The following JAG2 variants were observed in gnomAD, a reference collection of about 807,000 sequenced individuals.
The protein encoded by JAG2 is jagged canonical Notch ligand 2, also known as protein jagged-2.
In JAG2, 46 loss-of-function variants were observed where a neutral mutation model predicts 141.7. The ratio of observed to expected loss-of-function variants is 0.32; its 90% CI spans 0.26 to 0.42. JAG2 has a LOEUF of 0.42. JAG2 is among the 10% of genes least tolerant of loss of function. The pLI is 1.00. For missense variants in JAG2, 1,500 were observed against 1,817.5 expected (o/e 0.83, Z 3.18); for synonymous variants, 862 against 763.5 (o/e 1.13, Z -2.13).
intron 22 of JAG2, among the ~76,000 whole-genome samples, 199 bp downstream of exon 22, chr14:105,146,186 G>A (rs1888217549): frequency 6.6e-6 from 1 of 152,182 alleles, no homozygotes; most frequent in African/African-American, 2.4e-5. Flanking sequence ...AGCAAGGCAG[G>A]ACCCAGACCA....
In JAG2 at chr14:105,148,739, A is replaced by T; in HGVS notation, c.2020+6T>A. ...AGGCCGTGTGGGCGGGTGCTGGAAC[A>T]CTCACTGGTGTCGCAGAGCTCGCCC... On this transcript the variant is annotated splice_donor_region_variant and intron_variant, in intron 15 of 25. Coordinates refer to ENST00000331782, the MANE Select transcript of JAG2 (RefSeq NM_002226.5). The T allele has an allele frequency of 6.4e-7, 1 of 1,558,372 alleles. No homozygotes were observed. Among genetic ancestry groups the T allele is most frequent in the East Asian group, 2.4e-5 (1 of 42,190 alleles).
At position 105,164,233 on chromosome 14, in the gene JAG2, G is replaced by A. The variant is rs1384305420; in HGVS notation, c.417+3524C>T. On this transcript the variant is annotated intron_variant, in intron 2 of 25. Coordinates refer to ENST00000331782, the MANE Select transcript of JAG2 (RefSeq NM_002226.5). ...AGGGCAGTCCTCCCTGGCTCCAATG[G>A]TCCCCGTGTTGCCTGGGCACTGAAT... Among the ~76,000 whole-genome samples the A allele has an allele frequency of 2.0e-5, 3 of 152,134 alleles. No homozygotes were observed. The East Asian group carries it at 5.8e-4, about 29-fold the overall frequency.
chr14:105,159,283 T>C (rs1182136971), intron 2 of JAG2, among the ~76,000 whole-genome samples: 1 of 151,816 alleles, frequency 6.6e-6, no homozygotes, highest in Non-Finnish European at 1.5e-5. Context: ...CCGAGGAGGC[T>C]CACCCAGGTA....
intron 24 of JAG2, among the ~76,000 whole-genome samples, chr14:105,143,923 G>C (rs1336600409): frequency 6.7e-6 from 1 of 148,634 alleles, no homozygotes; most frequent in Non-Finnish European, 1.5e-5. Flanking sequence ...AAGGGGAGGG[G>C]TGGAGGATGT....
intron 5 of JAG2, among the ~76,000 whole-genome samples, chr14:105,153,390 C>CA (rs1888492360): frequency 6.6e-6 from 1 of 152,226 alleles, no homozygotes; most frequent in Admixed American, 6.5e-5. Context: ...TCCACAGACA[C>CA]AGAGACCCAG....
rs1473910838 is a variant in JAG2 at position 105,167,466 on chromosome 14, GAC to G, written c.417+289_417+290del. Among the ~76,000 whole-genome samples, 1 of 151,308 alleles carries G rather than the reference GAC, an allele frequency of 6.6e-6. No homozygotes were observed. Among genetic ancestry groups the G allele is most frequent in the African/African-American group, 2.4e-5 (1 of 41,292 alleles). On this transcript the variant is annotated intron_variant, in intron 2 of 25. Coordinates refer to ENST00000331782, the MANE Select transcript of JAG2 (RefSeq NM_002226.5). The surrounding 1 kb of genome is among the most constrained non-coding windows in gnomAD (Gnocchi z 4.8). ...CTCGCCTCGCCTCCCCACCCAGACA[GAC>G]ACGCGCAGGGCGACGCAGGCACACG...
chr14:105,157,615 A>G, intron 3 of JAG2, 91 bp downstream of exon 3: 3 of 1,222,828 alleles, frequency 2.5e-6, no homozygotes, highest in Non-Finnish European at 3.5e-6. Flanking sequence ...GGGTAAAGCA[A>G]GGCTTTGTCC....
In JAG2 at chr14:105,152,150, C is replaced by G. The variant is rs768236238; in HGVS notation, c.919+11G>C. ...TGGCAGAGCATTAGGCCTGCCGCCC[C>G]CTACCACTACCTTTGTCACAGAGCA... On this transcript the variant is annotated intron_variant, in intron 6 of 25. Transcript: ENST00000331782. 5.5e-5 allele frequency: 88 copies of G among 1,613,600 alleles called. 1 individual carries two copies. In the South Asian group the frequency reaches 7.2e-4, roughly 13 times the overall value.
Position 105,153,027 on chromosome 14 carries a change from C to T in JAG2, c.789-736G>A, listed in dbSNP as rs587758124. On this transcript the variant is annotated intron_variant, in intron 5 of 25. Transcript: ENST00000331782. Reference sequence around the variant, plus strand: ...ACATGGCCTGACTTGAGGGTGCCTCCGTCAGGGGAGAGAGCCTGCAACGAC... The same window carrying T: ...ACATGGCCTGACTTGAGGGTGCCTCTGTCAGGGGAGAGAGCCTGCAACGAC... Among the ~76,000 whole-genome samples, 203 of 151,728 alleles carry T rather than the reference C, an allele frequency of 1.3e-3. 1 individual carries two copies. Among genetic ancestry groups the T allele is most frequent in the South Asian group, 2.9e-3 (14 of 4,814 alleles).
chr14:105,150,142 G>A (rs1210608753), intron 12 of JAG2, among the ~76,000 whole-genome samples: 1 of 149,122 alleles, frequency 6.7e-6, no homozygotes, highest in African/African-American at 2.5e-5. Context: ...GGTTGGGGGA[G>A]GGGGTCCAGT....
chr14:105,151,606 A>T lies in JAG2; in HGVS notation c.1153+20T>A. The T allele has an allele frequency of 6.4e-7, 1 of 1,568,096 alleles. No homozygotes were observed. The highest frequency in any genetic ancestry group is 8.7e-7 in the Non-Finnish European group (1 of 1,149,626). On this transcript the variant is annotated intron_variant, in intron 8 of 25. Transcript: ENST00000331782. ...CACTGATACTAGGCAGGAGTCCCCT[A>T]CTCACGTGCAGACACTCACCAAGGG...
In JAG2 at chr14:105,150,595, A is replaced by C; in HGVS notation, c.1602+9T>G. The C allele has an allele frequency of 6.5e-7, 1 of 1,546,482 alleles. No homozygotes were observed. Reference sequence around the variant, plus strand: ...AGCAGGTGGGGCAGGGTGACCAGGCAGACCTCACCTCACAGAGAGGCCCGG... The same window carrying C: ...AGCAGGTGGGGCAGGGTGACCAGGCCGACCTCACCTCACAGAGAGGCCCGG... On this transcript the variant is annotated intron_variant, in intron 12 of 25. Transcript: ENST00000331782.
rs1265553114 is a variant in JAG2 at position 105,168,410 on chromosome 14, T to C, written c.11A>G (p.Gln4Arg). ...CCGCCGGGGAAGGCGCCCCCGGCCCTGCGCCCGCATTGCCCCCGCGACCCG... is the reference window on the plus strand; with the variant it reads ...CCGCCGGGGAAGGCGCCCCCGGCCCCGCGCCCGCATTGCCCCCGCGACCCG... MRA[Q>R]GRGRLPRRLL... is the part of the protein sequence containing the mutation. The change falls in exon 1 of 26, where the codon CAG becomes CGG. Residue 4 changes from glutamine to arginine, a missense_variant. This residue lies in a region of JAG2 where 200 missense variants were observed against 174.3 expected (regional missense o/e 1.15). Transcript: ENST00000331782. 6.3e-6 allele frequency: 6 copies of C among 957,004 alleles called. No individual in the cohort carries two copies. Among genetic ancestry groups the C allele is most frequent in the Middle Eastern group, 5.0e-4 (1 of 2,020 alleles). The allele number at this position is 957,004 out of a possible 1,614,324, so 59.3% of individuals were successfully genotyped here.
At chr14:105,143,904 A>C (rs1888143032) in intron 24 of JAG2, among the ~76,000 whole-genome samples, 1 of 109,508 alleles carries the variant, frequency 9.1e-6, no homozygotes, top group Admixed American at 1.1e-4. Flanking sequence ...GGCAGCGAGC[A>C]GTGGGGGGAA....
chr14:105,155,876 G>T lies in JAG2; in HGVS notation c.589C>A (p.Arg197Ser). The T allele has an allele frequency of 6.2e-7, 1 of 1,612,216 alleles. No individual in the cohort carries two copies. Among genetic ancestry groups the T allele is most frequent in the Non-Finnish European group, 8.5e-7 (1 of 1,179,714 alleles). ...GCGCTGTAGTAGTTCTCGTCGCAGC[G>T]CACGCGGATCTGCAGCTCCAGGTGC... is the stretch of plus-strand genomic sequence containing the variant. ...VAHLELQIRV[R>S]CDENYYSATC... The change falls in exon 4 of 26, where the codon CGC becomes AGC. Residue 197 changes from arginine (R) to serine (S), a missense_variant. By Grantham distance (110) the Arg-to-Ser change is moderately radical. Around this residue, in one of 3 missense-constraint regions of JAG2, gnomAD observed 875 missense variants for 1,202.2 expected, o/e 0.73. Transcript: ENST00000331782.
chr14:105,161,609 A>T (rs908512037), intron 2 of JAG2, among the ~76,000 whole-genome samples: 15 of 152,120 alleles, frequency 9.9e-5, no homozygotes, highest in African/African-American at 3.6e-4. Context: ...GATGGCAGGA[A>T]GTCATCCAGA....
At position 105,161,903 on chromosome 14, in the gene JAG2, C is replaced by T. The variant is rs1888760344; in HGVS notation, c.418-4140G>A. Among the ~76,000 whole-genome samples, 3 of 152,392 alleles carry T rather than the reference C, an allele frequency of 2.0e-5. No individual in the cohort carries two copies. In the South Asian group the frequency reaches 6.2e-4, roughly 32 times the overall value. ...CTCTGCGAATAGCAACCTCTCACCCCTGTCCTTCCTGCCTGGCGGGCCACG... is the reference window on the plus strand; with the variant it reads ...CTCTGCGAATAGCAACCTCTCACCCTTGTCCTTCCTGCCTGGCGGGCCACG... On this transcript the variant is annotated intron_variant, in intron 2 of 25. Transcript: ENST00000331782.
At position 105,156,659 on chromosome 14, in the gene JAG2, G is replaced by A. The variant is rs370495293; in HGVS notation, c.476-670C>T. ...CCCTGCGCTTAGGCACAGGCTCGAC[G>A]TTTTGCACAATAAAAGGTGAACGGG... On this transcript the variant is annotated intron_variant, in intron 3 of 25. Transcript: ENST00000331782. Among the ~76,000 whole-genome samples the A allele has an allele frequency of 7.4e-4, 113 of 152,242 alleles. 3 individuals are homozygous for A. In the South Asian group the frequency reaches 0.013, roughly 18 times the overall value.
intron 2 of JAG2, among the ~76,000 whole-genome samples, chr14:105,159,312 G>A (rs985612235): frequency 2.0e-5 from 3 of 151,950 alleles, no homozygotes; most frequent in African/African-American, 4.8e-5. Context: ...GGATGGAAGT[G>A]GGGGGCCATC....
Sources: allele counts gnomAD v4.1 joint callset (sites outside exome capture counted in the v4.1 genomes callset), GRCh38; gene constraint gnomAD v4.1.1; regional missense constraint gnomAD v4.1.1; non-coding constraint Gnocchi (gnomAD v3.1); transcripts MANE v1.5; gene names NCBI Gene and HGNC (gene_info 2026-07-23, HGNC 2026-07-21).